DYNC1I1: variants seen among roughly 807,000 people sequenced by gnomAD.
The protein encoded by DYNC1I1 is cytoplasmic dynein 1 intermediate chain 1.
Under a neutral mutation model 86.6 loss-of-function variants are expected in DYNC1I1, and 43 were observed. The ratio of observed to expected loss-of-function variants is 0.50; its 90% confidence interval spans 0.39 to 0.64. The LOEUF (loss-of-function observed/expected upper bound fraction) is 0.64, where lower values mean the gene tolerates loss of function less well. DYNC1I1 is among the 30% of genes least tolerant of loss of function. The pLI is 0.00. For missense variants in DYNC1I1, 604 were observed against 788.8 expected, an observed-to-expected ratio of 0.77 and a Z score of 2.81; for synonymous variants, 262 against 283.7, an observed-to-expected ratio of 0.92 and a Z score of 0.77.
chr7:95,993,238 T>C (rs1011089617), intron 9 of DYNC1I1, among the ~76,000 whole-genome samples: 1 of 152,224 alleles, frequency 6.6e-6, no homozygotes, highest in African/African-American at 2.4e-5. Context: ...TCAGTATCTT[T>C]AGGCCTTATG....
chr7:95,777,129 A>T (rs1207722665), intron 1 of DYNC1I1, among the ~76,000 whole-genome samples: 1 of 152,210 alleles, frequency 6.6e-6, no homozygotes, highest in African/African-American at 2.4e-5. Context: ...AGAGTCCCTC[A>T]AGAAATATGT....
intron 6 of DYNC1I1, among the ~76,000 whole-genome samples, chr7:95,950,110 A>T (rs1296566300): frequency 1.3e-5 from 2 of 152,192 alleles, no homozygotes; most frequent in Non-Finnish European, 2.9e-5. Context: ...ACTCCCAGGC[A>T]ACTCAACATT....
chr7:95,925,316 G>A (rs1319632577), intron 6 of DYNC1I1, among the ~76,000 whole-genome samples: 1 of 152,120 alleles, frequency 6.6e-6, no homozygotes, highest in Non-Finnish European at 1.5e-5. Flanking sequence ...TCATCAAAAT[G>A]TGAGATGAAA....
chr7:95,941,280 C>T (rs972226450), intron 6 of DYNC1I1, among the ~76,000 whole-genome samples: 9 of 151,964 alleles, frequency 5.9e-5, no homozygotes, highest in East Asian at 3.9e-4. Flanking sequence ...GCAGTCTGCC[C>T]GTTCTCAGAT....
At chr7:96,026,406 CA>C (rs1036567365) in intron 10 of DYNC1I1, among the ~76,000 whole-genome samples, 1 of 151,524 alleles carries the variant, frequency 6.6e-6, no homozygotes, top group Non-Finnish European at 1.5e-5. Context: ...GTTTACTAGT[CA>C]AAAAGAGGTC....
At position 95,899,852 on chromosome 7, in the gene DYNC1I1, C is replaced by A. The variant is rs747972994; in HGVS notation, c.490+29854C>A. On this transcript the variant is annotated intron_variant, in intron 6 of 16. Transcript: ENST00000447467. ...TTCTATGAATATTCTCCAGGAACTT[C>A]TACCATTGTTATCTGACTTCTATTC... 1.2e-4 allele frequency among the ~76,000 whole-genome samples: 18 copies of A among 152,294 alleles called. No homozygotes were observed. In the South Asian group the frequency reaches 1.2e-3, roughly 11 times the overall value.
Position 96,050,898 on chromosome 7 carries a change from A to G in DYNC1I1, c.1509+11477A>G, listed in dbSNP as rs530802741. Among the ~76,000 whole-genome samples, 39 of 152,332 alleles carry G rather than the reference A, an allele frequency of 2.6e-4. No homozygotes were observed. In the East Asian group the frequency reaches 5.4e-3, roughly 21 times the overall value. On this transcript the variant is annotated intron_variant, in intron 14 of 16. Coordinates refer to ENST00000447467, the MANE Select transcript of DYNC1I1 (RefSeq NM_001135556.2). ...TGTCCATTATGATCCTTTAAAAAAA[A>G]GTACTAAAAATGCATTGCCTGAATA...
rs151113677 is a variant in DYNC1I1, at chr7:95,838,971, T to C, written c.374+10855T>C. On this transcript the variant is annotated intron_variant, in intron 5 of 16. Coordinates refer to ENST00000447467, the MANE Select transcript of DYNC1I1 (RefSeq NM_001135556.2). ...GATGACATGTATTTCTTTTTCTGTCTAATTTATCTGGCTAAGACTTCCAGT... is the reference window on the plus strand; with the variant it reads ...GATGACATGTATTTCTTTTTCTGTCCAATTTATCTGGCTAAGACTTCCAGT... 1.9e-3 allele frequency among the ~76,000 whole-genome samples: 282 copies of C among 152,336 alleles called. 10 individuals carry two copies. In the East Asian group the frequency reaches 0.043, roughly 23 times the overall value.
At chr7:96,092,139 G>A (rs1790866909) in intron 16 of DYNC1I1, among the ~76,000 whole-genome samples, 2 of 151,870 alleles carry the variant, frequency 1.3e-5, no homozygotes, top group Admixed American at 6.6e-5. Flanking sequence ...AATTATTTGT[G>A]TGGGTATTTC....
chr7:95,988,365 CA>C (rs768162715), intron 9 of DYNC1I1, among the ~76,000 whole-genome samples: 5 of 151,994 alleles, frequency 3.3e-5, no homozygotes, highest in Non-Finnish European at 7.4e-5. Context: ...TCTCAAAAAA[CA>C]AAAAACAAAA....
chr7:95,845,622 A>G (rs1379304791), intron 5 of DYNC1I1, among the ~76,000 whole-genome samples: 1 of 152,170 alleles, frequency 6.6e-6, no homozygotes, highest in East Asian at 1.9e-4. Context: ...CTTCAGTAAC[A>G]CTCAATCACA....
Position 95,976,570 on chromosome 7 carries a change from C to G in DYNC1I1, c.491-942C>G, listed in dbSNP as rs564943805. Among the ~76,000 whole-genome samples, 4 of 152,224 alleles carry G rather than the reference C, an allele frequency of 2.6e-5. No individual in the cohort carries two copies. In the East Asian group the frequency reaches 5.8e-4, roughly 22 times the overall value. ...GGTCTGTAAATATTTGTTGAATGAG[C>G]GAACATATGGGGTGGAGGAAGAAGC... On this transcript the variant is annotated intron_variant, in intron 6 of 16. Transcript: ENST00000447467.
intron 11 of DYNC1I1, 67 bp downstream of exon 11, chr7:96,028,388 A>G: frequency 1.3e-6 from 2 of 1,546,052 alleles, no homozygotes. Flanking sequence ...ACTCTACTCA[A>G]AAAAGTATGG....
intron 15 of DYNC1I1, among the ~76,000 whole-genome samples, chr7:96,077,533 T>C (rs1790381564): frequency 6.6e-6 from 1 of 152,228 alleles, no homozygotes; most frequent in Admixed American, 6.5e-5. Flanking sequence ...TTATTGTTTT[T>C]AATAGAAAGA....
intron 6 of DYNC1I1, among the ~76,000 whole-genome samples, chr7:95,921,673 C>G (rs1375176043): frequency 6.6e-6 from 1 of 152,168 alleles, no homozygotes; most frequent in Non-Finnish European, 1.5e-5. Flanking sequence ...GTCAAATGTG[C>G]ACCACATTTA....
intron 10 of DYNC1I1, among the ~76,000 whole-genome samples, chr7:95,997,792 G>T (rs1793907665): frequency 1.3e-5 from 2 of 152,030 alleles, no homozygotes; most frequent in Admixed American, 6.6e-5. Flanking sequence ...GTTACCAAAA[G>T]ATGCTGAGTA....
At chr7:95,859,584 G>A (rs1187232816) in intron 5 of DYNC1I1, among the ~76,000 whole-genome samples, 3 of 151,940 alleles carry the variant, frequency 2.0e-5, no homozygotes, top group Non-Finnish European at 4.4e-5. Flanking sequence ...AGCCTGAGGC[G>A]GCTTCAGCAG....
At position 95,887,047 on chromosome 7, in the gene DYNC1I1, G is replaced by A. The variant is rs374574650; in HGVS notation, c.490+17049G>A. Reference sequence around the variant, plus strand: ...TTCTTGGCTAAGTGCAGGACGCCTCGTGGGCATAGGAGGTCCTCTACTCAG... The same window carrying A: ...TTCTTGGCTAAGTGCAGGACGCCTCATGGGCATAGGAGGTCCTCTACTCAG... On this transcript the variant is annotated intron_variant, in intron 6 of 16. Coordinates refer to ENST00000447467, the MANE Select transcript of DYNC1I1 (RefSeq NM_001135556.2). Among the ~76,000 whole-genome samples the A allele has an allele frequency of 6.3e-4, 96 of 152,302 alleles. 2 individuals are homozygous for A. Among genetic ancestry groups the A allele is most frequent in the South Asian group, 5.6e-3 (27 of 4,822 alleles).
intron 1 of DYNC1I1, among the ~76,000 whole-genome samples, chr7:95,775,552 T>A (rs1372992652): frequency 6.6e-6 from 1 of 152,218 alleles, no homozygotes; most frequent in East Asian, 1.9e-4. Flanking sequence ...CCAATTTCAG[T>A]GTGATCCATT....
Sources: allele counts gnomAD v4.1 joint callset (sites outside exome capture counted in the v4.1 genomes callset), GRCh38; gene constraint gnomAD v4.1.1; transcripts MANE v1.5; gene names NCBI Gene and HGNC (gene_info 2026-07-23, HGNC 2026-07-21).